SPIRE2: variants seen among roughly 807,000 people sequenced by gnomAD.
The protein encoded by SPIRE2 is protein spire homolog 2.
Under a neutral mutation model 80.7 loss-of-function variants are expected in SPIRE2, and 76 were observed. The observed-to-expected ratio is 0.94, with a 90% CI of 0.78 to 1.14. SPIRE2 has a LOEUF of 1.14. Among genes scored for constraint, SPIRE2 ranks in the 50% most tolerant of loss-of-function variants. The pLI is 0.00. For synonymous variants in SPIRE2, 535 were observed against 432.6 expected (o/e 1.24, Z -2.94); for missense variants, 1,196 against 1,015.3 (o/e 1.18, Z -2.42).
Position 89,850,467 on chromosome 16 carries a change from G to T in SPIRE2, c.452G>T (p.Gly151Val), listed in dbSNP as rs777121503. ...GCGAADEGYG[G>V]PEEEEEAEGV... ...GGTGCCGCCGATGAGGGCTACGGGG[G>T]TCCCGAGGAGGAGGAGGAGGCCGAG... Residue 151 changes from glycine to valine, a missense_variant, in exon 3 of 15, where the codon GGT (glycine) becomes GTT (valine). Physicochemically the swap from Gly to Val is moderately radical, Grantham distance 109. Transcript: ENST00000378247. 1.2e-5 allele frequency: 18 copies of T among 1,552,386 alleles called. No individual in the cohort carries two copies. Among genetic ancestry groups the T allele is most frequent in the Non-Finnish European group, 1.5e-5 (17 of 1,150,400 alleles).
At chr16:89,865,092 C>T (rs1485764470) in intron 12 of SPIRE2, among the ~76,000 whole-genome samples, 1 of 151,254 alleles carries the variant, frequency 6.6e-6, no homozygotes. Flanking sequence ...CTGTAAGCTC[C>T]GCCTCCTGAG....
At chr16:89,868,582 A>T (rs1355724244) in intron 13 of SPIRE2, among the ~76,000 whole-genome samples, 1 of 152,110 alleles carries the variant, frequency 6.6e-6, no homozygotes, top group Middle Eastern at 3.2e-3. Context: ...AAAGTATGTC[A>T]GCTGGGCACG....
intron 13 of SPIRE2, among the ~76,000 whole-genome samples, chr16:89,868,918 C>T (rs1466035128): frequency 1.3e-5 from 2 of 149,006 alleles, no homozygotes; most frequent in African/African-American, 5.0e-5. Flanking sequence ...GCAGTTCCTG[C>T]ACTTTGGGAG....
intron 2 of SPIRE2, 169 bp from the exon 3 acceptor site, chr16:89,850,135 C>T (rs2041607682): frequency 5.5e-6 from 4 of 728,272 alleles, no homozygotes; most frequent in Middle Eastern, 2.3e-4. Flanking sequence ...CGCGCCCGGC[C>T]GGGAACATCC....
chr16:89,855,438 C>A (rs1040622483), intron 5 of SPIRE2, among the ~76,000 whole-genome samples, 162 bp from the exon 6 acceptor site: 2 of 152,102 alleles, frequency 1.3e-5, no homozygotes, highest in Admixed American at 6.6e-5. Context: ...TGTGGATCTG[C>A]CGTGCGTTTA....
At chr16:89,860,923 C>CTGGGGGGGCGCGGTCTGAACA in intron 10 of SPIRE2, 128 bp downstream of exon 10, 1 of 586,356 alleles carries the variant, frequency 1.7e-6, no homozygotes, top group Non-Finnish European at 2.8e-6. Context: ...GAGCGTCCGT[C>CTGGGGGGGCGCGGTCTGAACA]TGGGGGGGCG....
chr16:89,850,821 CTTG>C (rs976249659), intron 3 of SPIRE2, among the ~76,000 whole-genome samples, 161 bp downstream of exon 3: 10 of 149,872 alleles, frequency 6.7e-5, no homozygotes, highest in African/African-American at 2.2e-4. Context: ...CTCACGCTTT[CTTG>C]TTGTTTTTTT....
intron 1 of SPIRE2, among the ~76,000 whole-genome samples, chr16:89,843,686 TTTTTG>T (rs1205083060): frequency 5.2e-4 from 14 of 27,132 alleles, no homozygotes; most frequent in African/African-American, 2.7e-3. Context: ...TTTTTGTTTG[TTTTTG>T]TTTTTTGTTT....
rs201106093 is a variant in SPIRE2 at position 89,860,756 on chromosome 16, C to G, written c.1536C>G (p.Pro512=). The G allele has an allele frequency of 1.9e-6, 3 of 1,572,146 alleles. No individual in the cohort carries two copies. Among genetic ancestry groups the G allele is most frequent in the African/African-American group, 2.7e-5 (2 of 73,230 alleles). ...LSNRGSSGDR[P]EASMTPDAKH... ...ACCGGGGCTCCTCGGGGGACAGACCCGAGGCCTCCATGACCCCCGATGCCA... is the reference window on the plus strand; with the variant it reads ...ACCGGGGCTCCTCGGGGGACAGACCGGAGGCCTCCATGACCCCCGATGCCA... The change falls in exon 10 of 15, where the codon CCC becomes CCG. Residue 512 remains proline (P), a synonymous_variant. Coordinates refer to ENST00000378247, the MANE Select transcript of SPIRE2 (RefSeq NM_032451.2).
chr16:89,855,163 C>A (rs977473895), intron 5 of SPIRE2, among the ~76,000 whole-genome samples: 1 of 152,194 alleles, frequency 6.6e-6, no homozygotes, highest in Non-Finnish European at 1.5e-5. Flanking sequence ...TGGTCTCGAT[C>A]TCCTGACCTT....
At position 89,844,842 on chromosome 16, in the gene SPIRE2, C is replaced by T. The variant is rs551167675; in HGVS notation, c.245-480C>T. 3.9e-5 allele frequency among the ~76,000 whole-genome samples: 6 copies of T among 152,338 alleles called. No homozygotes were observed. In the South Asian group the frequency reaches 1.0e-3, roughly 26 times the overall value. ...TAGCAGCTCTCCCACCTCGGCATCTCAAAGTGCTGGGATTATAGGTGTGAG... is the reference window on the plus strand; with the variant it reads ...TAGCAGCTCTCCCACCTCGGCATCTTAAAGTGCTGGGATTATAGGTGTGAG... On this transcript the variant is annotated intron_variant, in intron 1 of 14. Transcript: ENST00000378247.
At chr16:89,841,640 C>G (rs188244486) in intron 1 of SPIRE2, among the ~76,000 whole-genome samples, 5 of 152,112 alleles carry the variant, frequency 3.3e-5, no homozygotes, top group Admixed American at 3.3e-4. Flanking sequence ...TCATCTGTAA[C>G]GAGGAAATTA....
At chr16:89,833,759 G>T (rs555779481) in intron 1 of SPIRE2, among the ~76,000 whole-genome samples, 3 of 152,352 alleles carry the variant, frequency 2.0e-5, no homozygotes, top group East Asian at 1.9e-4. Flanking sequence ...GGAGCAGCAC[G>T]TGTGGGTCCA....
Position 89,828,817 on chromosome 16 carries a change from C to G in SPIRE2, c.244+23C>G. 6.8e-6 allele frequency: 8 copies of G among 1,174,308 alleles called. No individual in the cohort carries two copies. Among genetic ancestry groups the G allele is most frequent in the Non-Finnish European group, 8.4e-6 (8 of 950,736 alleles). The allele number at this position is 1,174,308 out of a possible 1,614,324, so 72.7% of individuals were successfully genotyped here. A position where few individuals can be genotyped will look rare whatever the true frequency, so the allele number is the denominator to read the frequency against. On this transcript the variant is annotated intron_variant, in intron 1 of 14. Coordinates refer to ENST00000378247, the MANE Select transcript of SPIRE2 (RefSeq NM_032451.2). The surrounding 1 kb of genome is among the most constrained non-coding windows in gnomAD (Gnocchi z 5.9). ...CGGGTGAGGCCGGGGGCGGGGCAGC[C>G]GGCGGGGACCGCGGTCTGGGGCGTC...
At chr16:89,845,169 T>C (rs1372203693) in intron 1 of SPIRE2, among the ~76,000 whole-genome samples, 153 bp from the exon 2 acceptor site, 6 of 152,164 alleles carry the variant, frequency 3.9e-5, no homozygotes, top group Non-Finnish European at 5.9e-5. Flanking sequence ...TTCGTCCAAA[T>C]GACCAAGTGG....
intron 1 of SPIRE2, among the ~76,000 whole-genome samples, chr16:89,842,638 T>G (rs756498423): frequency 6.6e-6 from 1 of 152,232 alleles, no homozygotes; most frequent in African/African-American, 2.4e-5. Flanking sequence ...TGATGTGGGC[T>G]TAGTCTGTGA....
At position 89,869,563 on chromosome 16, in the gene SPIRE2, G is replaced by A. The variant is rs373664760; in HGVS notation, c.1807-4G>A. ...GGTTCATACCTCCTCCCTCTGTGCT[G>A]CAGATGAAGATGCCTTCTAAGAAAT... On this transcript the variant is annotated splice_region_variant and splice_polypyrimidine_tract_variant and intron_variant, in intron 13 of 14. Transcript: ENST00000378247. 3.8e-6 allele frequency: 6 copies of A among 1,597,088 alleles called. No homozygotes were observed. In the East Asian group the frequency reaches 1.3e-4, roughly 36 times the overall value.
Position 89,828,859 on chromosome 16 carries a change from T to TG in SPIRE2, c.244+70dup. On this transcript the variant is annotated intron_variant, in intron 1 of 14. Transcript: ENST00000378247. The surrounding 1 kb of genome is among the most constrained non-coding windows in gnomAD (Gnocchi z 5.9). The stretch of plus-strand genomic sequence containing the variant: ...TGGGGCGTCCGTCCCGCCCCCTGGG[T>TG]GGGGGTGGTCCCGGCGGAGAGGCTG... The TG allele has an allele frequency of 1.8e-6, 2 of 1,140,490 alleles. No individual in the cohort carries two copies. The highest frequency in any genetic ancestry group is 2.2e-6 in the Non-Finnish European group (2 of 923,048). The allele number at this position is 1,140,490 out of a possible 1,614,324, so 70.6% of individuals were successfully genotyped here. A position where few individuals can be genotyped will look rare whatever the true frequency, so the allele number is the denominator to read the frequency against.
At chr16:89,837,069 A>T (rs1350917202) in intron 1 of SPIRE2, among the ~76,000 whole-genome samples, 1 of 152,116 alleles carries the variant, frequency 6.6e-6, no homozygotes, top group Non-Finnish European at 1.5e-5. Flanking sequence ...TGTGTTTCCA[A>T]AGCTGCCCGT....
Sources: gnomAD v4.1 joint callset for allele counts (sites outside exome capture counted in the v4.1 genomes callset) on GRCh38, gnomAD v4.1.1 for gene constraint, Gnocchi (gnomAD v3.1) non-coding constraint, MANE v1.5 for transcripts, NCBI Gene and HGNC (gene_info 2026-07-23, HGNC 2026-07-21) for gene names.